The following TADA2A variants were observed in gnomAD, a reference collection of about 807,000 sequenced individuals.
TADA2A encodes transcriptional adapter 2-alpha.
Under a neutral mutation model 67.4 loss-of-function variants are expected in TADA2A, and 38 were observed. That is an observed-to-expected ratio of 0.56 (90% confidence interval 0.44 to 0.74). TADA2A has a LOEUF of 0.74. Among genes scored for constraint, TADA2A ranks in the 30% least tolerant of loss-of-function variants. The pLI, the probability that TADA2A is intolerant of heterozygous loss-of-function variation, is 0.00. For missense variants in TADA2A, 454 were observed against 547.0 expected, an observed-to-expected ratio of 0.83 and a Z score of 1.70; for synonymous variants, 192 against 181.6, an observed-to-expected ratio of 1.06 and a Z score of -0.46.
intron 4 of TADA2A, among the ~76,000 whole-genome samples, chr17:37,431,661 G>A (rs745826554): frequency 2.0e-5 from 3 of 149,868 alleles, no homozygotes; most frequent in Non-Finnish European, 3.0e-5. Context: ...TGCAACCTCC[G>A]ACTCCTGGGT....
rs771184228 is a variant in TADA2A at position 37,437,696 on chromosome 17, C to A, written c.193-42C>A. 1.3e-6 allele frequency: 2 copies of A among 1,584,378 alleles called. 1 individual carries two copies. Among genetic ancestry groups the A allele is most frequent in the East Asian group, 4.5e-5 (2 of 44,724 alleles). The stretch of plus-strand genomic sequence containing the variant: ...GCCACCGTGCCTGGCCCCTAGATTC[C>A]ATTTGTATCTCTGTTCTTAAGCAAA... On this transcript the variant is annotated intron_variant, in intron 4 of 15. Coordinates refer to ENST00000615182, the MANE Select transcript of TADA2A (RefSeq NM_001166105.3).
At chr17:37,454,456 G>A (rs762599091) in intron 8 of TADA2A, among the ~76,000 whole-genome samples, 106 of 151,864 alleles carry the variant, frequency 7.0e-4, no homozygotes, top group Middle Eastern at 3.4e-3. Flanking sequence ...TACCACATCC[G>A]GCTAATTTTT....
intron 11 of TADA2A, 171 bp downstream of exon 11, chr17:37,465,712 A>T: frequency 8.3e-7 from 1 of 1,201,248 alleles, no homozygotes; most frequent in Non-Finnish European, 1.1e-6. Flanking sequence ...GGCAGAAGAG[A>T]GGTTAAAAAG....
chr17:37,478,778 A>G lies in TADA2A; in HGVS notation c.*1796A>G, dbSNP rs1196684677. 1.3e-5 allele frequency: 2 copies of G among 152,208 alleles called. No individual in the cohort carries two copies. The highest frequency in any genetic ancestry group is 3.8e-4 in the East Asian group (2 of 5,200). 9.4% of individuals were successfully genotyped at this position (152,208 alleles called of 1,614,324 possible). A position where few individuals can be genotyped will look rare whatever the true frequency, so the allele number is the denominator to read the frequency against. ...GTGCTTTGTTGGAAGCATCTGCTCAAACTTTTGACTGTTGTAAATATGCAT... is the reference window on the plus strand; with the variant it reads ...GTGCTTTGTTGGAAGCATCTGCTCAGACTTTTGACTGTTGTAAATATGCAT... On this transcript the variant is annotated 3_prime_UTR_variant, in exon 16 of 16. Coordinates refer to ENST00000615182, the MANE Select transcript of TADA2A (RefSeq NM_001166105.3).
At chr17:37,475,556 T>C (rs980338438) in intron 15 of TADA2A, among the ~76,000 whole-genome samples, 5 of 151,786 alleles carry the variant, frequency 3.3e-5, no homozygotes, top group African/African-American at 1.2e-4. Context: ...CACTGCAACC[T>C]CTGCCTCCCG....
intron 2 of TADA2A, among the ~76,000 whole-genome samples, chr17:37,414,970 G>C (rs1039075703): frequency 2.0e-5 from 3 of 150,008 alleles, no homozygotes; most frequent in African/African-American, 7.4e-5. Flanking sequence ...TCAGCTTACT[G>C]CAGTCTCCAC....
intron 3 of TADA2A, 154 bp from the exon 4 acceptor site, chr17:37,426,795 TG>T: frequency 3.3e-6 from 2 of 601,098 alleles, no homozygotes; most frequent in Non-Finnish European, 5.7e-6. Flanking sequence ...CAGTGAGCTA[TG>T]ATGGTGCCAC....
At chr17:37,421,073 A>G (rs1047688987) in intron 2 of TADA2A, among the ~76,000 whole-genome samples, 3 of 146,622 alleles carry the variant, frequency 2.0e-5, no homozygotes, top group Admixed American at 1.4e-4. Flanking sequence ...TTACCATGGG[A>G]GAAAGGGAGG....
chr17:37,423,361 T>A, intron 2 of TADA2A, 148 bp from the exon 3 acceptor site: 1 of 584,074 alleles, frequency 1.7e-6, no homozygotes, highest in Non-Finnish European at 2.9e-6. Context: ...ATTTTTGCTT[T>A]TTTTTATTTG....
chr17:37,462,820 A>G (rs1244110028), intron 10 of TADA2A, among the ~76,000 whole-genome samples: 3 of 152,186 alleles, frequency 2.0e-5, no homozygotes, highest in South Asian at 4.1e-4. Context: ...TCAGGTTGTA[A>G]AAATATTTTA....
At chr17:37,414,427 C>T (rs1438326292) in intron 2 of TADA2A, among the ~76,000 whole-genome samples, 1 of 151,976 alleles carries the variant, frequency 6.6e-6, no homozygotes, top group Non-Finnish European at 1.5e-5. Context: ...TCCTGTACTC[C>T]CCCCGCCCTG....
chr17:37,439,210 T>A (rs1293687205), intron 5 of TADA2A, among the ~76,000 whole-genome samples: 1 of 152,062 alleles, frequency 6.6e-6, no homozygotes, highest in Non-Finnish European at 1.5e-5. Flanking sequence ...CAAGGGATCT[T>A]CCCTCCTCAG....
chr17:37,425,556 A>G (rs904230943), intron 3 of TADA2A, among the ~76,000 whole-genome samples: 1 of 152,216 alleles, frequency 6.6e-6, no homozygotes, highest in African/African-American at 2.4e-5. Context: ...ATTGATTATA[A>G]GAAGCACCTC....
At chr17:37,465,738 C>T (rs1226604938) in intron 11 of TADA2A, 197 bp downstream of exon 11, 2 of 800,582 alleles carry the variant, frequency 2.5e-6, no homozygotes, top group Non-Finnish European at 3.8e-6. Context: ...ATGACTTCCC[C>T]CATTGCCCCA....
chr17:37,466,714 C>T (rs984311394), intron 11 of TADA2A, among the ~76,000 whole-genome samples: 2 of 152,150 alleles, frequency 1.3e-5, no homozygotes. Context: ...TTGGGACACA[C>T]CCCTGGTTTA....
intron 1 of TADA2A, among the ~76,000 whole-genome samples, chr17:37,409,657 A>G (rs2147890193): frequency 6.6e-6 from 1 of 151,120 alleles, no homozygotes; most frequent in Non-Finnish European, 1.5e-5. Context: ...ATCCCAGCTA[A>G]TTGGGAGGCT....
chr17:37,434,840 A>T (rs1332098981), intron 4 of TADA2A, among the ~76,000 whole-genome samples: 3 of 152,154 alleles, frequency 2.0e-5, no homozygotes, highest in Non-Finnish European at 4.4e-5. Context: ...TTGATGTTTC[A>T]GTCCTTTGTG....
intron 3 of TADA2A, among the ~76,000 whole-genome samples, chr17:37,424,955 G>A (rs36081240): frequency 0.21 from 31,400 of 151,974 alleles, 3,637 homozygotes; most frequent in East Asian, 0.54. Flanking sequence ...TGTGCCTCTC[G>A]GGTTCAAGGG....
intron 8 of TADA2A, among the ~76,000 whole-genome samples, chr17:37,445,653 G>T (rs752808098): frequency 5.3e-5 from 8 of 152,180 alleles, no homozygotes; most frequent in Non-Finnish European, 1.2e-4. Flanking sequence ...ATGCCAAAGA[G>T]CTGTTAAGAG....
Sources: gnomAD v4.1 joint callset for allele counts (sites outside exome capture counted in the v4.1 genomes callset) on GRCh38, gnomAD v4.1.1 for gene constraint, MANE v1.5 for transcripts, NCBI Gene and HGNC (gene_info 2026-07-23, HGNC 2026-07-21) for gene names.